Variants in RBFOX3 observed in about 807,000 individuals in gnomAD.
RBFOX3 encodes RNA binding protein fox-1 homolog 3.
In RBFOX3, 17 loss-of-function variants were observed where a neutral mutation model predicts 48.7. The observed-to-expected ratio is 0.35, with a 90% CI of 0.24 to 0.52. The LOEUF (loss-of-function observed/expected upper bound fraction) is 0.52, where lower values mean the gene tolerates loss of function less well. Among genes scored for constraint, RBFOX3 ranks in the 20% least tolerant of loss-of-function variants. RBFOX3 has a pLI of 0.94. For missense variants in RBFOX3, 382 were observed against 497.5 expected, an observed-to-expected ratio of 0.77 and a Z score of 2.21; for synonymous variants, 212 against 209.5, an observed-to-expected ratio of 1.01 and a Z score of -0.10.
At chr17:79,590,919 G>A (rs1358456245) in intron 1 of RBFOX3, among the ~76,000 whole-genome samples, 35 of 152,156 alleles carry the variant, frequency 2.3e-4, no homozygotes, top group Non-Finnish European at 5.0e-4. Context: ...TGAACCCCAA[G>A]AAGGGGCCTC....
chr17:79,317,785 A>G (rs543501327), intron 2 of RBFOX3, among the ~76,000 whole-genome samples: 1 of 152,056 alleles, frequency 6.6e-6, no homozygotes, highest in South Asian at 2.1e-4. Context: ...ATGTTCGATG[A>G]GGCCATGGTG....
rs541985718 is a variant in RBFOX3, at chr17:79,195,512, C to T, written c.-34+40254G>A. 1.3e-5 allele frequency among the ~76,000 whole-genome samples: 2 copies of T among 152,348 alleles called. No homozygotes were observed. The highest frequency in any genetic ancestry group is 4.8e-5 in the African/African-American group (2 of 41,588). On this transcript the variant is annotated intron_variant, in intron 4 of 14. Transcript: ENST00000693108. This position sits in a 1 kb window ranked among gnomAD's most constrained non-coding sequence, Gnocchi z 5.3. ...GGCAGGAAGCCTGCCCTGATCTCCCCATCCCAAAACACAGACACCCAGCAA... is the reference window on the plus strand; with the variant it reads ...GGCAGGAAGCCTGCCCTGATCTCCCTATCCCAAAACACAGACACCCAGCAA...
chr17:79,428,303 G>T (rs974608625), intron 2 of RBFOX3, among the ~76,000 whole-genome samples: 6 of 152,180 alleles, frequency 3.9e-5, no homozygotes, highest in Non-Finnish European at 7.4e-5. Context: ...AGGTGCCATG[G>T]GGGAGCTCGC....
chr17:79,653,774 T>TTA, the RBFOX3 span, among the ~76,000 whole-genome samples: 6 of 149,566 alleles, frequency 4.0e-5, no homozygotes, highest in African/African-American at 7.4e-5. Context: ...GTTTTTTTTT[T>TTA]AAAGTTAGCT....
chr17:79,258,729 G>T (rs911122689), intron 3 of RBFOX3, among the ~76,000 whole-genome samples: 1 of 152,168 alleles, frequency 6.6e-6, no homozygotes, highest in Non-Finnish European at 1.5e-5. Context: ...TTGGTGGGGG[G>T]TGCACTCACA....
intron 4 of RBFOX3, among the ~76,000 whole-genome samples, chr17:79,130,265 C>A (rs528734306): frequency 6.6e-6 from 1 of 152,180 alleles, no homozygotes; most frequent in Non-Finnish European, 1.5e-5. Context: ...GACTTCTCCA[C>A]GAAGACTTCC....
chr17:79,415,101 A>AT (rs2065107841), intron 2 of RBFOX3, among the ~76,000 whole-genome samples: 1 of 152,066 alleles, frequency 6.6e-6, no homozygotes, highest in African/African-American at 2.4e-5. Flanking sequence ...CGGGGTTCTG[A>AT]GTCTGGGGAG....
chr17:79,355,826 C>CTT (rs2147121439), intron 2 of RBFOX3, among the ~76,000 whole-genome samples: 1 of 152,320 alleles, frequency 6.6e-6, no homozygotes, highest in South Asian at 2.1e-4. Context: ...GGTGATCTAC[C>CTT]TGCCTTAGCT....
In RBFOX3 at chr17:79,163,963, G is replaced by C. The variant is rs373399460; in HGVS notation, c.-33-48215C>G. ...GGTGGGGACCCCTGCCCCACAGCCT[G>C]ACCATACAGCACATTCTAGAATATC... On this transcript the variant is annotated intron_variant, in intron 4 of 14. Coordinates refer to ENST00000693108, the MANE Select transcript of RBFOX3 (RefSeq NM_001350451.2). 9.8e-5 allele frequency among the ~76,000 whole-genome samples: 15 copies of C among 152,350 alleles called. 1 individual carries two copies. The highest frequency in any genetic ancestry group is 3.6e-4 in the African/African-American group (15 of 41,586).
intron 1 of RBFOX3, among the ~76,000 whole-genome samples, chr17:79,610,286 G>A (rs967689349): frequency 9.2e-5 from 14 of 152,028 alleles, no homozygotes; most frequent in African/African-American, 3.1e-4. Flanking sequence ...TGGGTGCCGC[G>A]ACAGACGCAC....
chr17:79,260,072 A>G (rs1035717314), intron 3 of RBFOX3, among the ~76,000 whole-genome samples: 3 of 151,906 alleles, frequency 2.0e-5, no homozygotes, highest in Non-Finnish European at 4.4e-5. Flanking sequence ...CTGGACAGGT[A>G]GAGTGCTGTC....
intron 3 of RBFOX3, among the ~76,000 whole-genome samples, chr17:79,293,320 C>G (rs1164417817): frequency 6.6e-6 from 1 of 151,990 alleles, no homozygotes; most frequent in East Asian, 1.9e-4. Context: ...TTCCTTCCTT[C>G]TTTCCTTCCC....
chr17:79,551,265 GAAC>G (rs2091119276), intron 1 of RBFOX3, among the ~76,000 whole-genome samples: 1 of 152,094 alleles, frequency 6.6e-6, no homozygotes, highest in Non-Finnish European at 1.5e-5. Context: ...GGTTTCTGCT[GAAC>G]AAGAAGGGAA....
intron 4 of RBFOX3, among the ~76,000 whole-genome samples, chr17:79,135,583 C>G (rs2040005713): frequency 6.6e-6 from 1 of 152,178 alleles, no homozygotes; most frequent in Non-Finnish European, 1.5e-5. Flanking sequence ...GACCTTCCTT[C>G]CAGGTGCTCC....
chr17:79,553,177 A>G (rs1162467144), intron 1 of RBFOX3, among the ~76,000 whole-genome samples: 1 of 152,214 alleles, frequency 6.6e-6, no homozygotes, highest in Non-Finnish European at 1.5e-5. Flanking sequence ...CTGAATGTTT[A>G]TCAAGAATGG....
At chr17:79,376,417 A>T (rs1361961882) in intron 2 of RBFOX3, among the ~76,000 whole-genome samples, 1 of 151,990 alleles carries the variant, frequency 6.6e-6, no homozygotes, top group Non-Finnish European at 1.5e-5. Context: ...CACCCGCAGG[A>T]CCCTCTCTCT....
chr17:79,156,706 G>C (rs1384400876), intron 4 of RBFOX3, among the ~76,000 whole-genome samples: 1 of 152,208 alleles, frequency 6.6e-6, no homozygotes, highest in African/African-American at 2.4e-5. Flanking sequence ...AGGAGTTGCA[G>C]CAGAGGCTGT....
chr17:79,314,164 A>G (rs2077223734), intron 2 of RBFOX3, among the ~76,000 whole-genome samples: 1 of 152,282 alleles, frequency 6.6e-6, no homozygotes, highest in East Asian at 1.9e-4. Context: ...TTTTTTTACT[A>G]AAAGGGCTTT....
chr17:79,618,802 C>T, the RBFOX3 span, among the ~76,000 whole-genome samples: 1 of 152,174 alleles, frequency 6.6e-6, no homozygotes, highest in African/African-American at 2.4e-5. Flanking sequence ...TGAAGTCTTT[C>T]CTCTCAATAT....
Sources: gnomAD v4.1 joint callset for allele counts (sites outside exome capture counted in the v4.1 genomes callset) on GRCh38, gnomAD v4.1.1 for gene constraint, Gnocchi (gnomAD v3.1) non-coding constraint, MANE v1.5 for transcripts, NCBI Gene and HGNC (gene_info 2026-07-23, HGNC 2026-07-21) for gene names.